WDFY1: variants seen among roughly 807,000 people sequenced by gnomAD.
The protein encoded by WDFY1 is WD repeat and FYVE domain containing 1.
In WDFY1, 32 loss-of-function variants were observed where a neutral mutation model predicts 56.4. The ratio of observed to expected loss-of-function variants is 0.57; its 90% CI spans 0.43 to 0.76. WDFY1 has a LOEUF of 0.76. Ranked by LOEUF, WDFY1 falls within the 30% of genes least tolerant of loss-of-function variation. The pLI is 0.00. For missense variants in WDFY1, 480 were observed against 545.7 expected (o/e 0.88, Z 1.20); for synonymous variants, 192 against 197.3 (o/e 0.97, Z 0.23).
chr2:223,910,114 C>G, intron 3 of WDFY1, among the ~76,000 whole-genome samples: 1 of 152,012 alleles, frequency 6.6e-6, no homozygotes, highest in East Asian at 1.9e-4. Flanking sequence ...CTCTGCCTGG[C>G]TGGCTCTGTG....
At chr2:223,904,593 T>G (rs906467389) in intron 4 of WDFY1, among the ~76,000 whole-genome samples, 16 of 152,222 alleles carry the variant, frequency 1.1e-4, no homozygotes, top group East Asian at 3.9e-4. Flanking sequence ...TGAAACAATA[T>G]GTAGGGAAAA....
intron 3 of WDFY1, among the ~76,000 whole-genome samples, chr2:223,909,918 C>T (rs912447651): frequency 6.6e-6 from 1 of 152,222 alleles, no homozygotes; most frequent in African/African-American, 2.4e-5. Context: ...TGCTATTCAT[C>T]TGCTGAAAAC....
At chr2:223,906,946 T>TACC in intron 3 of WDFY1, among the ~76,000 whole-genome samples, 1 of 89,488 alleles carries the variant, frequency 1.1e-5, no homozygotes, top group South Asian at 3.9e-4. Flanking sequence ...AATCACGAAT[T>TACC]ACTACTACCA....
rs1028581904 is a variant in WDFY1 at position 223,899,042 on chromosome 2, C to T, written c.514G>A (p.Val172Ile). The T allele has an allele frequency of 3.1e-6, 5 of 1,613,894 alleles. No homozygotes were observed. The highest frequency in any genetic ancestry group is 1.3e-5 in the African/African-American group (1 of 74,894). Residue 172 changes from valine (V) to isoleucine (I), a missense_variant, in exon 6 of 12, where the codon GTT (valine) becomes ATT (isoleucine). Coordinates refer to ENST00000233055, the MANE Select transcript of WDFY1 (RefSeq NM_020830.5). ...GTGATCTGCCCAGAATAATCACCAACGAAAGCATACTGAGTGTCAAAGTCA... is the reference window on the plus strand; with the variant it reads ...GTGATCTGCCCAGAATAATCACCAATGAAAGCATACTGAGTGTCAAAGTCA... Reference protein sequence around the residue: ...QYDFDTQYAFVGDYSGQITLL... With the variant: ...QYDFDTQYAFIGDYSGQITLL...
chr2:223,881,351 A>G (rs482990), intron 10 of WDFY1, among the ~76,000 whole-genome samples: 136,198 of 151,870 alleles, frequency 0.9, 61,495 homozygotes, highest in South Asian at 0.96. Context: ...TGGGATGCAG[A>G]GGCTCAGGGT....
intron 4 of WDFY1, among the ~76,000 whole-genome samples, chr2:223,904,203 C>A (rs1263242552): frequency 6.6e-6 from 1 of 152,188 alleles, no homozygotes; most frequent in African/African-American, 2.4e-5. Flanking sequence ...GACCAACATA[C>A]TCCAAGGACA....
chr2:223,880,214 G>A lies in WDFY1; in HGVS notation c.1083C>T (p.Thr361=). Reference sequence around the variant, plus strand: ...AAATGTTATGTTTTCCTTCATGAAAGGTCGCTAGAGAAGTCCGACTAACAA... The same window carrying A: ...AAATGTTATGTTTTCCTTCATGAAAAGTCGCTAGAGAAGTCCGACTAACAA... ...IKDEDRTSLA[T]FHEGKHNISH... Residue 361 remains threonine, a synonymous_variant, in exon 11 of 12, where the codon ACC becomes ACT. Coordinates refer to ENST00000233055, the MANE Select transcript of WDFY1 (RefSeq NM_020830.5). 1 of 1,614,090 alleles carries A rather than the reference G, an allele frequency of 6.2e-7. No individual in the cohort carries two copies.
intron 3 of WDFY1, among the ~76,000 whole-genome samples, chr2:223,907,921 G>A (rs1693626861): frequency 6.6e-6 from 1 of 151,104 alleles, no homozygotes; most frequent in South Asian, 2.1e-4. Flanking sequence ...GTGCAGTGGT[G>A]CAATCTCTGC....
chr2:223,886,907 T>C (rs1559162984), intron 8 of WDFY1, among the ~76,000 whole-genome samples: 1 of 152,144 alleles, frequency 6.6e-6, no homozygotes, highest in Non-Finnish European at 1.5e-5. Flanking sequence ...TTGGCCTTCC[T>C]ATTTCTTATT....
At chr2:223,885,506 T>G (rs1210663542) in intron 8 of WDFY1, among the ~76,000 whole-genome samples, 1 of 152,170 alleles carries the variant, frequency 6.6e-6, no homozygotes, top group African/African-American at 2.4e-5. Context: ...CTTAACTGTG[T>G]GCCGAGTAAT....
At chr2:223,882,877 G>A in intron 9 of WDFY1, among the ~76,000 whole-genome samples, 1 of 151,986 alleles carries the variant, frequency 6.6e-6, no homozygotes, top group Non-Finnish European at 1.5e-5. Context: ...ACACGTGTCT[G>A]CCACCATGTC....
At chr2:223,908,585 T>C (rs1693640976) in intron 3 of WDFY1, among the ~76,000 whole-genome samples, 1 of 152,302 alleles carries the variant, frequency 6.6e-6, no homozygotes, top group African/African-American at 2.4e-5. Context: ...GGCTTTTCTT[T>C]AAATATTGAC....
intron 1 of WDFY1, among the ~76,000 whole-genome samples, chr2:223,935,492 A>C (rs1476451839): frequency 1.3e-5 from 2 of 152,250 alleles, no homozygotes; most frequent in African/African-American, 4.8e-5. Flanking sequence ...TACTTTGTAG[A>C]GAGGGAAGAT....
chr2:223,898,657 C>T (rs369739055), intron 6 of WDFY1, among the ~76,000 whole-genome samples: 108 of 152,220 alleles, frequency 7.1e-4, no homozygotes, highest in African/African-American at 2.4e-3. Flanking sequence ...ACACCTAATT[C>T]GGCCCCCAAA....
Position 223,917,218 on chromosome 2 carries a change from C to T in WDFY1, c.205+725G>A, listed in dbSNP as rs192808437. Among the ~76,000 whole-genome samples the T allele has an allele frequency of 3.4e-4, 52 of 152,250 alleles. No individual in the cohort carries two copies. In the East Asian group the frequency reaches 0.01, roughly 29 times the overall value. On this transcript the variant is annotated intron_variant, in intron 2 of 11. Transcript: ENST00000233055. Reference sequence around the variant, plus strand: ...ATTCTCTATTTAGAATGTGTTGTACCTTGGACCATGTCTCTCAATAGGTCC... The same window carrying T: ...ATTCTCTATTTAGAATGTGTTGTACTTTGGACCATGTCTCTCAATAGGTCC...
intron 1 of WDFY1, among the ~76,000 whole-genome samples, chr2:223,918,354 C>G (rs1190636424): frequency 2.0e-5 from 3 of 152,088 alleles, no homozygotes; most frequent in Non-Finnish European, 4.4e-5. Flanking sequence ...TTCGGCCAGG[C>G]GCGGTGGCTC....
chr2:223,894,402 T>C, intron 7 of WDFY1, 63 bp from the exon 8 acceptor site: 2 of 1,548,556 alleles, frequency 1.3e-6, no homozygotes, highest in South Asian at 2.3e-5. Flanking sequence ...ACTGTCTTCA[T>C]TTAGGCTCAA....
intron 1 of WDFY1, among the ~76,000 whole-genome samples, chr2:223,933,426 CT>C (rs1257964979): frequency 1.3e-5 from 2 of 150,300 alleles, no homozygotes; most frequent in African/African-American, 4.9e-5. Context: ...TTTTGTGATC[CT>C]TGTGCCATCA....
chr2:223,919,774 T>C (rs986041185), intron 1 of WDFY1, among the ~76,000 whole-genome samples: 2 of 152,344 alleles, frequency 1.3e-5, no homozygotes, highest in Non-Finnish European at 1.5e-5. Context: ...TAAATATTGA[T>C]ACCATATGTT....
Sources: gnomAD v4.1 joint callset for allele counts (sites outside exome capture counted in the v4.1 genomes callset) on GRCh38, gnomAD v4.1.1 for gene constraint, MANE v1.5 for transcripts, NCBI Gene and HGNC (gene_info 2026-07-23, HGNC 2026-07-21) for gene names.